SLIT3: variants seen among roughly 807,000 people sequenced by gnomAD.
SLIT3 encodes the protein slit homolog 3 protein.
Under a neutral mutation model 184.0 loss-of-function variants are expected in SLIT3, and 68 were observed. The observed-to-expected ratio is 0.37, with a 90% CI of 0.30 to 0.45. SLIT3 has a LOEUF of 0.45. SLIT3 is among the 20% of genes least tolerant of loss of function. The pLI is 1.00. For synonymous variants in SLIT3, 831 were observed against 828.6 expected (o/e 1.00, Z -0.05); for missense variants, 1,707 against 2,026.0 (o/e 0.84, Z 3.02).
chr5:168,981,378 TC>T (rs34852832), intron 4 of SLIT3, among the ~76,000 whole-genome samples: 6 of 151,978 alleles, frequency 3.9e-5, no homozygotes, highest in Admixed American at 3.9e-4. Context: ...GATGACAGAT[TC>T]CCGGGATTGC....
chr5:168,818,322 G>C (rs978256512), intron 7 of SLIT3, among the ~76,000 whole-genome samples: 10 of 152,202 alleles, frequency 6.6e-5, no homozygotes, highest in African/African-American at 2.4e-4. Flanking sequence ...AATCCCTGGA[G>C]GGATCTGTGT....
intron 1 of SLIT3, among the ~76,000 whole-genome samples, chr5:169,267,457 T>C (rs1044163460): frequency 1.3e-5 from 2 of 152,238 alleles, no homozygotes; most frequent in Non-Finnish European, 2.9e-5. Flanking sequence ...CAATATCTGT[T>C]GAATGACTGA....
intron 4 of SLIT3, 86 bp downstream of exon 4, chr5:169,193,393 C>T (rs942391930): frequency 8.8e-5 from 99 of 1,128,452 alleles, no homozygotes; most frequent in East Asian, 1.6e-4. Context: ...AAGCTCCACA[C>T]GGCACGGCGC....
At chr5:169,175,333 T>C (rs1309353295) in intron 4 of SLIT3, among the ~76,000 whole-genome samples, 3 of 152,200 alleles carry the variant, frequency 2.0e-5, no homozygotes, top group Non-Finnish European at 4.4e-5. Flanking sequence ...GATATGGTAG[T>C]GTGGCTTCAA....
chr5:168,902,222 T>TGTCC lies in SLIT3; in HGVS notation c.414-18890_414-18887dup, dbSNP rs542817284. Among the ~76,000 whole-genome samples, 325 of 152,308 alleles carry TGTCC rather than the reference T, an allele frequency of 2.1e-3. 3 individuals carry two copies. Among genetic ancestry groups the TGTCC allele is most frequent in the African/African-American group, 7.5e-3 (311 of 41,572 alleles). On this transcript the variant is annotated intron_variant, in intron 4 of 35. Coordinates refer to ENST00000519560, the MANE Select transcript of SLIT3 (RefSeq NM_003062.4). ...GATAGTCTTTCTAGATCCATGTACCTGTCCATTCATCCAAATATTAACGAA... is the reference window on the plus strand; with the variant it reads ...GATAGTCTTTCTAGATCCATGTACCTGTCCGTCCATTCATCCAAATATTAACGAA...
intron 10 of SLIT3, 44 bp downstream of exon 10, chr5:168,795,463 A>C: frequency 6.7e-7 from 1 of 1,488,582 alleles, no homozygotes; most frequent in South Asian, 1.1e-5. Flanking sequence ...ACAACCCTGG[A>C]AATTGAAAAC....
At chr5:168,965,345 G>T (rs1268692784) in intron 4 of SLIT3, among the ~76,000 whole-genome samples, 1 of 152,156 alleles carries the variant, frequency 6.6e-6, no homozygotes, top group African/African-American at 2.4e-5. Context: ...ACTTTAAGTG[G>T]ATCTAAAACA....
At chr5:168,958,795 C>T (rs141517970) in intron 4 of SLIT3, among the ~76,000 whole-genome samples, 1 of 152,192 alleles carries the variant, frequency 6.6e-6, no homozygotes, top group African/African-American at 2.4e-5. Flanking sequence ...TCATGTGTAC[C>T]GACATTCTTT....
intron 17 of SLIT3, 34 bp from the exon 18 acceptor site, chr5:168,753,132 G>A: frequency 1.2e-6 from 2 of 1,611,034 alleles, no homozygotes; most frequent in Non-Finnish European, 8.5e-7. Context: ...AGAGAGCACA[G>A]GCATGATCTT....
chr5:169,172,740 T>A (rs1363349547), intron 4 of SLIT3, among the ~76,000 whole-genome samples: 1 of 152,204 alleles, frequency 6.6e-6, no homozygotes, highest in Non-Finnish European at 1.5e-5. Flanking sequence ...ATTTTTTCCA[T>A]TAAAAAATAT....
chr5:169,064,641 G>A (rs72826586), intron 4 of SLIT3, among the ~76,000 whole-genome samples: 1,555 of 152,164 alleles, frequency 0.01, 11 homozygotes, highest in Non-Finnish European at 0.015. Flanking sequence ...TGAGTGTTAC[G>A]GCTTCCCGTG....
chr5:168,768,349 G>A (rs1755419616), intron 14 of SLIT3: 1 of 460,746 alleles, frequency 2.2e-6, no homozygotes, highest in South Asian at 1.5e-5. Flanking sequence ...CCCCCACTGA[G>A]CGTGATTAGT....
In SLIT3 at chr5:169,183,323, T is replaced by C. The variant is rs189427220; in HGVS notation, c.413+10156A>G. Among the ~76,000 whole-genome samples the C allele has an allele frequency of 6.6e-5, 10 of 152,348 alleles. 1 individual carries two copies. The highest frequency in any genetic ancestry group is 5.9e-4 in the Admixed American group (9 of 15,302). On this transcript the variant is annotated intron_variant, in intron 4 of 35. Transcript: ENST00000519560. ...GTAGTAAAGAGAGTACACTGATGTA[T>C]GAAGGCTTTCAGCTGTATGTGCGAG...
At chr5:169,012,084 T>G (rs1290856530) in intron 4 of SLIT3, 1 of 152,174 alleles carries the variant, frequency 6.6e-6, no homozygotes, top group African/African-American at 2.4e-5. Context: ...TAACTCTTCA[T>G]TGTTGATGAA....
intron 3 of SLIT3, among the ~76,000 whole-genome samples, chr5:169,204,075 T>C (rs1175735738): frequency 6.6e-6 from 1 of 151,932 alleles, no homozygotes; most frequent in African/African-American, 2.4e-5. Context: ...GAGTGTGGAC[T>C]GAGTTCTGGG....
chr5:169,290,863 C>T (rs555955117), intron 1 of SLIT3, among the ~76,000 whole-genome samples: 15 of 151,376 alleles, frequency 9.9e-5, no homozygotes, highest in African/African-American at 1.9e-4. Flanking sequence ...CTAGGGCATA[C>T]GCTAGGGTGT....
intron 7 of SLIT3, among the ~76,000 whole-genome samples, chr5:168,820,583 C>T (rs1012080455): frequency 4.6e-5 from 7 of 152,180 alleles, no homozygotes; most frequent in Non-Finnish European, 5.9e-5. Context: ...CCAGACTTCA[C>T]TCTCTTCCCA....
intron 6 of SLIT3, among the ~76,000 whole-genome samples, chr5:168,841,711 A>G (rs1758258862): frequency 6.6e-6 from 1 of 152,202 alleles, no homozygotes; most frequent in Admixed American, 6.5e-5. Flanking sequence ...ATTTCCATCC[A>G]CAGGAGGGAT....
chr5:168,851,348 C>T (rs1561967920), intron 5 of SLIT3, among the ~76,000 whole-genome samples: 1 of 145,734 alleles, frequency 6.9e-6, no homozygotes, highest in Non-Finnish European at 1.5e-5. Context: ...AAGATAGTTA[C>T]GGGGGACAAG....
Sources: allele counts gnomAD v4.1 joint callset (sites outside exome capture counted in the v4.1 genomes callset), GRCh38; gene constraint gnomAD v4.1.1; transcripts MANE v1.5; gene names NCBI Gene and HGNC (gene_info 2026-07-23, HGNC 2026-07-21).